WDR27: variants seen among roughly 807,000 people sequenced by gnomAD.
WDR27 encodes the protein WD repeat domain 27.
WDR27 carries 100 observed loss-of-function variants against 114.4 expected under a neutral mutation model. The observed-to-expected ratio is 0.87, with a 90% CI of 0.74 to 1.03. The LOEUF is 1.03. Ranked by LOEUF, WDR27 falls within the 50% of genes least tolerant of loss-of-function variation. The pLI is 0.00. For synonymous variants in WDR27, 449 were observed against 423.1 expected, an observed-to-expected ratio of 1.06 and a Z score of -0.75; for missense variants, 1,129 against 1,092.9, an observed-to-expected ratio of 1.03 and a Z score of -0.47.
chr6:169,514,731 G>C (rs558733174), intron 25 of WDR27, among the ~76,000 whole-genome samples: 1 of 140,468 alleles, frequency 7.1e-6, no homozygotes, highest in African/African-American at 2.8e-5. Context: ...CATTCTAATC[G>C]TTCTTACTAT....
intron 25 of WDR27, among the ~76,000 whole-genome samples, chr6:169,498,386 T>A (rs917545778): frequency 6.6e-6 from 1 of 152,162 alleles, no homozygotes; most frequent in Non-Finnish European, 1.5e-5. Flanking sequence ...ACTAACATGA[T>A]GAATGCACTC....
intron 25 of WDR27, among the ~76,000 whole-genome samples, chr6:169,544,083 G>T (rs554979417): frequency 3.3e-5 from 5 of 152,278 alleles, no homozygotes; most frequent in South Asian, 2.1e-4. Context: ...AGCAATTCAG[G>T]AAGAGAGGAA....
At chr6:169,682,482 C>T (rs1479502435) in intron 2 of WDR27, among the ~76,000 whole-genome samples, 1 of 152,186 alleles carries the variant, frequency 6.6e-6, no homozygotes, top group Admixed American at 6.5e-5. Flanking sequence ...TCTTGCAAGA[C>T]TCGCAGCAAT....
intron 21 of WDR27, among the ~76,000 whole-genome samples, chr6:169,629,110 C>G (rs556772066): frequency 1.3e-5 from 2 of 152,086 alleles, no homozygotes. Context: ...CAAAATCACA[C>G]CAAATAGCAT....
At chr6:169,443,317 T>C in the WDR27 span, among the ~76,000 whole-genome samples, 1 of 152,212 alleles carries the variant, frequency 6.6e-6, no homozygotes, top group African/African-American at 2.4e-5. Context: ...TGTTATTCAT[T>C]TGAAACACAA....
intron 25 of WDR27, among the ~76,000 whole-genome samples, chr6:169,556,267 T>C (rs1272017731): frequency 1.3e-5 from 2 of 152,166 alleles, no homozygotes; most frequent in Non-Finnish European, 2.9e-5. Context: ...AATTAAAATC[T>C]GCCAAGTCCT....
intron 9 of WDR27, 28 bp downstream of exon 9, chr6:169,662,276 T>C: frequency 6.2e-7 from 1 of 1,606,434 alleles, no homozygotes. Flanking sequence ...TTCCTTTATG[T>C]GGCATAGGCA....
At chr6:169,521,054 C>T (rs1043201884) in intron 25 of WDR27, among the ~76,000 whole-genome samples, 32 of 151,984 alleles carry the variant, frequency 2.1e-4, no homozygotes, top group African/African-American at 5.3e-4. Flanking sequence ...AACATCAAAC[C>T]GATTTCACTC....
intron 4 of WDR27, chr6:169,669,946 C>T (rs1778252690): frequency 6.6e-6 from 1 of 152,050 alleles, no homozygotes; most frequent in African/African-American, 2.4e-5. Flanking sequence ...GCTATTCAGG[C>T]CAACAGCTTT....
At chr6:169,484,544 A>G (rs1788633575) in intron 25 of WDR27, among the ~76,000 whole-genome samples, 1 of 152,252 alleles carries the variant, frequency 6.6e-6, no homozygotes, top group Non-Finnish European at 1.5e-5. Context: ...ATGAAAAAAC[A>G]TTCCATGCTC....
chr6:169,624,107 G>A (rs1052347147), intron 21 of WDR27, among the ~76,000 whole-genome samples: 1 of 148,400 alleles, frequency 6.7e-6, no homozygotes, highest in Non-Finnish European at 1.5e-5. Flanking sequence ...CATCAGGTGT[G>A]CCGTGTGTGG....
rs774912775 is a variant in WDR27 at position 169,574,712 on chromosome 6, C to T, written c.2524-2172G>A. Among the ~76,000 whole-genome samples the T allele has an allele frequency of 3.2e-4, 49 of 152,294 alleles. 1 individual carries two copies. Among genetic ancestry groups the T allele is most frequent in the Admixed American group, 1.8e-3 (28 of 15,306 alleles). Reference sequence around the variant, plus strand: ...TGTGTGGTGGGGGCCGGCGCCCTGTCCCCAACCCTTTCTCACAGCCCAGTG... The same window carrying T: ...TGTGTGGTGGGGGCCGGCGCCCTGTTCCCAACCCTTTCTCACAGCCCAGTG... On this transcript the variant is annotated intron_variant, in intron 24 of 25. Coordinates refer to ENST00000448612, the MANE Select transcript of WDR27 (RefSeq NM_182552.5).
intron 23 of WDR27, among the ~76,000 whole-genome samples, chr6:169,585,030 A>C (rs1391546739): frequency 6.6e-6 from 1 of 152,236 alleles, no homozygotes. Context: ...ACTAATTTTC[A>C]ATAAGGCCAT....
At chr6:169,444,328 G>A in the WDR27 span, among the ~76,000 whole-genome samples, 1 of 152,170 alleles carries the variant, frequency 6.6e-6, no homozygotes, top group Non-Finnish European at 1.5e-5. Context: ...AAAAGAATGT[G>A]TTTGGCTCTA....
chr6:169,504,086 G>A (rs1451622341), intron 25 of WDR27, among the ~76,000 whole-genome samples: 1 of 151,988 alleles, frequency 6.6e-6, no homozygotes, highest in African/African-American at 2.4e-5. Context: ...TAAAAAGATA[G>A]ATGAACAGTG....
At chr6:169,665,638 C>CT in intron 6 of WDR27, 82 bp from the exon 7 acceptor site, 2 of 1,257,450 alleles carry the variant, frequency 1.6e-6, no homozygotes, top group Non-Finnish European at 1.1e-6. Context: ...TTACTTATCT[C>CT]TTTACACGTA....
chr6:169,551,752 AAAAGAAAAAG>A (rs1235659285), intron 25 of WDR27, among the ~76,000 whole-genome samples: 1 of 56,576 alleles, frequency 1.8e-5, no homozygotes, highest in Non-Finnish European at 6.8e-5. Context: ...AAAAAAAAAA[AAAAGAAAAAG>A]AAAAGAAAAG....
At chr6:169,701,297 A>ATGAT (rs565291072) in intron 1 of WDR27, among the ~76,000 whole-genome samples, 56 of 152,330 alleles carry the variant, frequency 3.7e-4, no homozygotes, top group South Asian at 1.9e-3. Context: ...TCTTTTAGTG[A>ATGAT]TAATCAAGTC....
At chr6:169,567,978 C>A (rs373254452) in intron 25 of WDR27, among the ~76,000 whole-genome samples, 1 of 152,200 alleles carries the variant, frequency 6.6e-6, no homozygotes, top group African/African-American at 2.4e-5. Context: ...GAGAACACAG[C>A]GCAGAAAAGC....
Sources: allele counts gnomAD v4.1 joint callset (sites outside exome capture counted in the v4.1 genomes callset), GRCh38; gene constraint gnomAD v4.1.1; transcripts MANE v1.5; gene names NCBI Gene and HGNC (gene_info 2026-07-23, HGNC 2026-07-21).